The following USP32 variants were observed in gnomAD, a reference collection of about 807,000 sequenced individuals.
USP32 encodes ubiquitin specific peptidase 32, also known as ubiquitin carboxyl-terminal hydrolase 32.
Under a neutral mutation model 204.8 loss-of-function variants are expected in USP32, and 59 were observed. That is an observed-to-expected ratio of 0.29 (90% confidence interval 0.23 to 0.36). USP32 has a LOEUF of 0.36. Ranked by LOEUF, USP32 falls within the 10% of genes least tolerant of loss-of-function variation. USP32 has a pLI of 1.00. For synonymous variants in USP32, 517 were observed against 678.4 expected (o/e 0.76, Z 3.70); for missense variants, 1,160 against 1,946.4 (o/e 0.60, Z 7.60).
intron 9 of USP32, chr17:60,256,818 T>C: frequency 9.2e-7 from 1 of 1,082,148 alleles, no homozygotes; most frequent in African/African-American, 1.7e-5. Flanking sequence ...TACTTATAGG[T>C]GAATTCTGGA....
intron 15 of USP32, among the ~76,000 whole-genome samples, chr17:60,220,066 A>T (rs991798757): frequency 6.6e-6 from 1 of 151,806 alleles, no homozygotes; most frequent in Non-Finnish European, 1.5e-5. Context: ...AAAAACCCTA[A>T]GTATTATCTA....
chr17:60,325,394 G>A (rs1207994139), intron 2 of USP32, among the ~76,000 whole-genome samples: 2 of 151,870 alleles, frequency 1.3e-5, no homozygotes, highest in East Asian at 3.9e-4. Context: ...CTTCAGCCTG[G>A]GTGACAGCGC....
At chr17:60,380,299 G>A (rs1323960994) in intron 1 of USP32, among the ~76,000 whole-genome samples, 11 of 152,222 alleles carry the variant, frequency 7.2e-5, no homozygotes, top group Non-Finnish European at 1.2e-4. Flanking sequence ...AGGTGCAGTG[G>A]CTCACGCCTG....
chr17:60,302,517 A>G (rs761253176), intron 2 of USP32, among the ~76,000 whole-genome samples: 4 of 152,184 alleles, frequency 2.6e-5, no homozygotes, highest in Non-Finnish European at 5.9e-5. Flanking sequence ...TGCCTTTTCA[A>G]CTCACAATAT....
At chr17:60,353,245 C>T (rs138309676) in intron 1 of USP32, among the ~76,000 whole-genome samples, 3 of 152,098 alleles carry the variant, frequency 2.0e-5, no homozygotes, top group African/African-American at 4.8e-5. Context: ...ATGGATGCAA[C>T]GAGCAGGAAA....
intron 26 of USP32, among the ~76,000 whole-genome samples, chr17:60,200,301 C>T (rs1369244297): frequency 6.6e-6 from 1 of 152,100 alleles, no homozygotes; most frequent in Non-Finnish European, 1.5e-5. Flanking sequence ...GTGGCTCACA[C>T]CTGTAATTCC....
intron 11 of USP32, among the ~76,000 whole-genome samples, chr17:60,244,697 T>C (rs150075671): frequency 4.6e-5 from 7 of 152,354 alleles, no homozygotes; most frequent in African/African-American, 1.7e-4. Flanking sequence ...AGGCGTTCCA[T>C]CTCAGCTTAC....
chr17:60,324,560 C>T (rs1417130951), intron 2 of USP32, among the ~76,000 whole-genome samples: 4 of 151,878 alleles, frequency 2.6e-5, no homozygotes, highest in Non-Finnish European at 5.9e-5. Context: ...TTAAAAGTCA[C>T]CCTCATTTCA....
chr17:60,295,184 C>A (rs993349176), intron 3 of USP32, among the ~76,000 whole-genome samples: 2 of 151,584 alleles, frequency 1.3e-5, no homozygotes, highest in Admixed American at 6.6e-5. Context: ...AACTCTGAAA[C>A]CTGCGTACAA....
At chr17:60,399,482 C>T (rs1240219804) in intron 1 of USP32, among the ~76,000 whole-genome samples, 1 of 151,690 alleles carries the variant, frequency 6.6e-6, no homozygotes, top group Non-Finnish European at 1.5e-5. Flanking sequence ...TAGCAAGAGC[C>T]TGTCTCTACA....
At chr17:60,227,582 CT>C (rs111424514) in intron 12 of USP32, among the ~76,000 whole-genome samples, 3,436 of 139,556 alleles carry the variant, frequency 0.025, 119 homozygotes, top group African/African-American at 0.077. Context: ...TTTTTCTTTT[CT>C]TTTTTTTTTT....
chr17:60,325,677 A>T (rs944218559), intron 2 of USP32, among the ~76,000 whole-genome samples: 1 of 152,152 alleles, frequency 6.6e-6, no homozygotes, highest in Admixed American at 6.5e-5. Context: ...CTATAACCCC[A>T]GCACTTTTGG....
chr17:60,396,698 G>T (rs2089903465), upstream of USP32, among the ~76,000 whole-genome samples: 1 of 152,124 alleles, frequency 6.6e-6, no homozygotes, highest in Non-Finnish European at 1.5e-5. Context: ...AGACACACAG[G>T]ATTCCTAAAT....
chr17:60,306,200 C>T (rs763266953), intron 2 of USP32, among the ~76,000 whole-genome samples: 3 of 152,154 alleles, frequency 2.0e-5, no homozygotes, highest in African/African-American at 4.8e-5. Flanking sequence ...CTTTCATTTT[C>T]GGATTTAGAA....
intron 2 of USP32, among the ~76,000 whole-genome samples, chr17:60,329,088 A>G (rs866155748): frequency 5.3e-5 from 8 of 152,250 alleles, no homozygotes; most frequent in African/African-American, 1.9e-4. Flanking sequence ...CACCCTAAAG[A>G]TGCTGTAACA....
At position 60,349,596 on chromosome 17, in the gene USP32, AATAT is replaced by A. The variant is rs1187939098; in HGVS notation, c.59-3992_59-3989del. Among the ~76,000 whole-genome samples the A allele has an allele frequency of 5.9e-3, 383 of 65,150 alleles. 26 individuals are homozygous for A. Among genetic ancestry groups the A allele is most frequent in the South Asian group, 0.01 (19 of 1,848 alleles). 42.7% of individuals were successfully genotyped at this position (65,150 alleles called of 152,430 possible). A position where few individuals can be genotyped will look rare whatever the true frequency, so the allele number is the denominator to read the frequency against. ...CTCAAAAGAAAAAAAAAAAAAAAAAAATATATATATATATATATATATATATATT... is the reference window on the plus strand; with the variant it reads ...CTCAAAAGAAAAAAAAAAAAAAAAAAATATATATATATATATATATATATT... On this transcript the variant is annotated intron_variant, in intron 1 of 33. Transcript: ENST00000300896.
rs2086190552 is a variant in USP32 at position 60,252,362 on chromosome 17, A to T, written c.1136+19T>A. 6.3e-7 allele frequency: 1 copy of T among 1,590,750 alleles called. No individual in the cohort carries two copies. Among genetic ancestry groups the T allele is most frequent in the Admixed American group, 1.7e-5 (1 of 58,918 alleles). ...AAGTATGTGAAATTTCAACTATATA[A>T]TTGAAACTACAAATTTACCTAATAA... On this transcript the variant is annotated intron_variant, in intron 11 of 33. Transcript: ENST00000300896.
chr17:60,178,878 C>A lies in USP32; in HGVS notation c.*377G>T, dbSNP rs2084030547. On this transcript the variant is annotated 3_prime_UTR_variant, in exon 34 of 34. Transcript: ENST00000300896. ...CAACATTATAATTGTTTGTTTTTTA[C>A]TCTGACTCCAAGGAAATCTTTAATA... 6.6e-6 allele frequency among the ~76,000 whole-genome samples: 1 copy of A among 152,176 alleles called. No homozygotes were observed. The highest frequency in any genetic ancestry group is 2.4e-5 in the African/African-American group (1 of 41,450).
rs933509232 is a variant in USP32, at chr17:60,181,560, T to C, written c.4312A>G (p.Ile1438Val). The C allele has an allele frequency of 6.2e-7, 1 of 1,613,882 alleles. No homozygotes were observed. The highest frequency in any genetic ancestry group is 1.3e-5 in the African/African-American group (1 of 74,940). Residue 1438 changes from isoleucine to valine, a missense_variant, in exon 32 of 34, where the codon ATA (isoleucine) becomes GTA (valine). Physicochemically the swap from Ile to Val is conservative, Grantham distance 29. Coordinates refer to ENST00000300896, the MANE Select transcript of USP32 (RefSeq NM_032582.4). ...CTCAAGGCGTCAGCCAGCTCACATA[T>C]CTGCCCAGCCCCATTTTCTTTGCTG... ...DASKENGAGQ[I>V]CELADALSRG...
Sources: gnomAD v4.1 joint callset for allele counts (sites outside exome capture counted in the v4.1 genomes callset) on GRCh38, gnomAD v4.1.1 for gene constraint, MANE v1.5 for transcripts, NCBI Gene and HGNC (gene_info 2026-07-23, HGNC 2026-07-21) for gene names.